Variants in RBFOX1 observed in about 807,000 individuals in gnomAD.
The protein encoded by RBFOX1 is RNA binding protein fox-1 homolog 1.
RBFOX1 carries 8 observed loss-of-function variants against 57.7 expected under a neutral mutation model. The ratio of observed to expected loss-of-function variants is 0.14; its 90% CI spans 0.08 to 0.25. The LOEUF is 0.25. Among genes scored for constraint, RBFOX1 ranks in the 10% least tolerant of loss-of-function variants. RBFOX1 has a pLI of 1.00. For synonymous variants in RBFOX1, 326 were observed against 222.4 expected, an observed-to-expected ratio of 1.47 and a Z score of -4.15; for missense variants, 611 against 548.5, an observed-to-expected ratio of 1.11 and a Z score of -1.14.
chr16:7,244,542 G>A (rs746596162), intron 4 of RBFOX1, among the ~76,000 whole-genome samples: 3 of 152,170 alleles, frequency 2.0e-5, no homozygotes, highest in Admixed American at 1.3e-4. Flanking sequence ...CAGAGCCAGC[G>A]GTGGCTCTCA....
intron 3 of RBFOX1, among the ~76,000 whole-genome samples, chr16:6,691,896 G>GCTACTTTT (rs60496347): frequency 0.01 from 1,528 of 152,286 alleles, 28 homozygotes; most frequent in African/African-American, 0.035. Flanking sequence ...TCAGAAAGAT[G>GCTACTTTT]CTACTTTTCT....
intron 3 of RBFOX1, among the ~76,000 whole-genome samples, chr16:6,914,430 G>T (rs568491986): frequency 6.6e-6 from 1 of 152,118 alleles, no homozygotes; most frequent in African/African-American, 2.4e-5. Flanking sequence ...AGAAAAGACA[G>T]TAGTAAAGGA....
intron 1 of RBFOX1, among the ~76,000 whole-genome samples, chr16:6,098,013 A>G (rs918666612): frequency 6.6e-5 from 10 of 152,138 alleles, no homozygotes; most frequent in Non-Finnish European, 1.5e-4. Flanking sequence ...ACAAGCTCCC[A>G]CGGATGCTGG....
rs116377235 is a variant in RBFOX1 at position 6,397,241 on chromosome 16, C to T, written c.-64+80184C>T. Among the ~76,000 whole-genome samples the T allele has an allele frequency of 2.6e-3, 402 of 152,176 alleles. 2 individuals are homozygous for T. Among genetic ancestry groups the T allele is most frequent in the African/African-American group, 9.0e-3 (373 of 41,530 alleles). On this transcript the variant is annotated intron_variant, in intron 2 of 15. Transcript: ENST00000550418. ...ACACCTAGTATGATTTTAATTTCCACGTCATAGTCACAGTGATGAAAATAA... is the reference window on the plus strand; with the variant it reads ...ACACCTAGTATGATTTTAATTTCCATGTCATAGTCACAGTGATGAAAATAA...
In RBFOX1 at chr16:6,351,352, G is replaced by GTGTATATA. The variant is rs1474177476; in HGVS notation, c.-64+34296_-64+34297insGTATATAT. ...TGTGTGTGTGTGTGTGTGTGTGTGT[G>GTGTATATA]TATATATATATATATATATATTTTT... On this transcript the variant is annotated intron_variant, in intron 2 of 15. Coordinates refer to ENST00000550418, the MANE Select transcript of RBFOX1 (RefSeq NM_018723.4). Among the ~76,000 whole-genome samples the GTGTATATA allele has an allele frequency of 4.5e-3, 411 of 92,334 alleles. 2 individuals are homozygous for GTGTATATA. The highest frequency in any genetic ancestry group is 0.019 in the African/African-American group (370 of 19,838). 60.6% of individuals were successfully genotyped at this position (92,334 alleles called of 152,430 possible).
chr16:5,946,759 G>A lies in RBFOX1; in HGVS notation c.351+79424G>A, dbSNP rs1270067345. On this transcript the variant is annotated intron_variant, in intron 4 of 19. Transcript: ENST00000641259. This position sits in a 1 kb window ranked among gnomAD's most constrained non-coding sequence, Gnocchi z 4.6. ...TCTTGTGGGACTGGGCCCTCAACCT[G>A]TGGAATCTGATTCTAACTCCAGGTG... Among the ~76,000 whole-genome samples the A allele has an allele frequency of 1.3e-5, 2 of 152,212 alleles. No individual in the cohort carries two copies.
chr16:7,521,569 G>C (rs2077518824), intron 5 of RBFOX1, among the ~76,000 whole-genome samples: 1 of 152,164 alleles, frequency 6.6e-6, no homozygotes, highest in African/African-American at 2.4e-5. Context: ...CAGTGCCCCA[G>C]GCACTGCAGC....
intron 1 of RBFOX1, among the ~76,000 whole-genome samples, chr16:6,228,611 G>T (rs899826721): frequency 1.3e-5 from 2 of 152,194 alleles, no homozygotes; most frequent in Non-Finnish European, 2.9e-5. Flanking sequence ...ATCTAACAGA[G>T]TGAGACTCAT....
At chr16:6,755,877 A>G (rs1021143234) in intron 3 of RBFOX1, among the ~76,000 whole-genome samples, 8 of 152,126 alleles carry the variant, frequency 5.3e-5, no homozygotes, top group African/African-American at 1.9e-4. Context: ...ACTTTTTGAG[A>G]ATGTATTGCT....
chr16:5,926,981 C>G (rs2058952338), intron 4 of RBFOX1, among the ~76,000 whole-genome samples: 1 of 152,110 alleles, frequency 6.6e-6, no homozygotes, highest in Non-Finnish European at 1.5e-5. Context: ...ACAGTCTTAG[C>G]CATCAAACCA....
chr16:7,092,657 C>A (rs1326110636), intron 4 of RBFOX1, among the ~76,000 whole-genome samples: 1 of 152,162 alleles, frequency 6.6e-6, no homozygotes, highest in East Asian at 1.9e-4. Context: ...TTGACAGAGC[C>A]TTTACGGACT....
At chr16:6,497,405 C>A (rs1335761607) in intron 2 of RBFOX1, among the ~76,000 whole-genome samples, 2 of 152,142 alleles carry the variant, frequency 1.3e-5, no homozygotes, top group Non-Finnish European at 2.9e-5. Context: ...CTACTTTTCC[C>A]ACTCTGTAGA....
intron 4 of RBFOX1, among the ~76,000 whole-genome samples, chr16:7,474,382 C>T (rs1328408293): frequency 3.3e-5 from 5 of 152,126 alleles, no homozygotes; most frequent in African/African-American, 7.2e-5. Context: ...TTTTTGTGTT[C>T]CCCAGTGCAC....
chr16:5,663,007 G>A (rs1312226462), intron 3 of RBFOX1, among the ~76,000 whole-genome samples: 2 of 152,184 alleles, frequency 1.3e-5, no homozygotes, highest in Admixed American at 1.3e-4. Context: ...GAGCAATTTT[G>A]CCTCCCAGAG....
intron 1 of RBFOX1, among the ~76,000 whole-genome samples, chr16:6,150,975 G>T (rs1008101716): frequency 6.6e-6 from 1 of 152,134 alleles, no homozygotes; most frequent in African/African-American, 2.4e-5. Flanking sequence ...TCCCAGCTTA[G>T]ATGTTCCTGC....
At chr16:6,930,638 C>T (rs920182078) in intron 3 of RBFOX1, among the ~76,000 whole-genome samples, 9 of 152,076 alleles carry the variant, frequency 5.9e-5, no homozygotes, top group Non-Finnish European at 1.5e-5. Context: ...TTGAGCTCCT[C>T]ACCTTAGGTG....
chr16:5,287,483 G>A (rs1391044453), intron 1 of RBFOX1, among the ~76,000 whole-genome samples: 2 of 152,134 alleles, frequency 1.3e-5, no homozygotes, highest in Non-Finnish European at 2.9e-5. Context: ...GATAAAGGAC[G>A]GTCGCCCTTG....
chr16:6,928,398 G>T (rs897187436), intron 3 of RBFOX1, among the ~76,000 whole-genome samples: 4 of 152,272 alleles, frequency 2.6e-5, no homozygotes, highest in African/African-American at 9.6e-5. Flanking sequence ...CCCTGTGGGA[G>T]CAGAGGTTGT....
intron 1 of RBFOX1, among the ~76,000 whole-genome samples, chr16:5,323,415 C>T (rs2064469067): frequency 6.6e-6 from 1 of 152,216 alleles, no homozygotes; most frequent in Non-Finnish European, 1.5e-5. Flanking sequence ...TCGAAAAACT[C>T]TGCTGCGGTG....
Sources: allele counts gnomAD v4.1 joint callset (sites outside exome capture counted in the v4.1 genomes callset), GRCh38; gene constraint gnomAD v4.1.1; non-coding constraint Gnocchi (gnomAD v3.1); transcripts MANE v1.5; gene names NCBI Gene and HGNC (gene_info 2026-07-23, HGNC 2026-07-21).